Variants in ARID3A observed in about 807,000 individuals in gnomAD.
ARID3A encodes AT-rich interactive domain-containing protein 3A.
Under a neutral mutation model 52.7 loss-of-function variants are expected in ARID3A, and 11 were observed. The ratio of observed to expected loss-of-function variants is 0.21; its 90% CI spans 0.13 to 0.35. The LOEUF is 0.35. Among genes scored for constraint, ARID3A ranks in the 10% least tolerant of loss-of-function variants. The probability of loss-of-function intolerance (pLI) is 1.00; values close to 1 mark genes in which losing one functional copy is unlikely to be tolerated. For missense variants in ARID3A, 721 were observed against 838.5 expected (o/e 0.86, Z 1.73); for synonymous variants, 404 against 359.4 (o/e 1.12, Z -1.40).
intron 4 of ARID3A, among the ~76,000 whole-genome samples, chr19:963,611 G>A (rs1322374752): frequency 6.6e-6 from 1 of 152,118 alleles, no homozygotes; most frequent in African/African-American, 2.4e-5. Flanking sequence ...CAGCCCAGCC[G>A]CCTCTTCTTC....
At chr19:963,559 G>A (rs770673956) in intron 4 of ARID3A, among the ~76,000 whole-genome samples, 14 of 152,150 alleles carry the variant, frequency 9.2e-5, no homozygotes, top group Admixed American at 2.6e-4. Context: ...GAGGGGCCAC[G>A]TCTGCAGCCG....
At chr19:967,178 G>T (rs1466178083) in intron 7 of ARID3A, among the ~76,000 whole-genome samples, 1 of 152,114 alleles carries the variant, frequency 6.6e-6, no homozygotes, top group Admixed American at 6.5e-5. Flanking sequence ...AGAATCACAT[G>T]AACTGGGAGA....
At chr19:946,160 G>A (rs1304880815) in intron 3 of ARID3A, among the ~76,000 whole-genome samples, 2 of 152,032 alleles carry the variant, frequency 1.3e-5, no homozygotes, top group East Asian at 2.0e-4. Flanking sequence ...CCCCGGCCGC[G>A]TGGAGTGGCA....
In ARID3A at chr19:927,400, A is replaced by T. The variant is rs926386337; in HGVS notation, c.-268+1341A>T. On this transcript the variant is annotated intron_variant, in intron 1 of 8. Transcript: ENST00000263620. ...GCACCCAGCCCTGACCTAGGGGGGAATCTGGGATCCCCACCTGCCCCCTCC... is the reference window on the plus strand; with the variant it reads ...GCACCCAGCCCTGACCTAGGGGGGATTCTGGGATCCCCACCTGCCCCCTCC... Among the ~76,000 whole-genome samples, 6 of 151,768 alleles carry T rather than the reference A, an allele frequency of 4.0e-5. No homozygotes were observed. In the East Asian group the frequency reaches 1.2e-3, roughly 30 times the overall value.
At position 974,658 on chromosome 19, in the gene ARID3A, G is replaced by A. The variant is rs952364489; in HGVS notation, c.*2593G>A. The A allele has an allele frequency of 4.3e-6, 1 of 230,104 alleles. No homozygotes were observed. Among genetic ancestry groups the A allele is most frequent in the African/African-American group, 2.2e-5 (1 of 45,034 alleles). The allele number at this position is 230,104 out of a possible 1,614,324, so 14.3% of individuals were successfully genotyped here. On this transcript the variant is annotated 3_prime_UTR_variant, in exon 9 of 9. Coordinates refer to ENST00000263620, the MANE Select transcript of ARID3A (RefSeq NM_005224.3). ...TGCATCTGGCGGCCCTGGACCCCTG[G>A]GGCCCCCGTGCACCTGCCCACCTCG...
In ARID3A at chr19:952,441, CAAAAAAAAA is replaced by C. The variant is rs10663796; in HGVS notation, c.694-7633_694-7625del. On this transcript the variant is annotated intron_variant, in intron 3 of 8. Coordinates refer to ENST00000263620, the MANE Select transcript of ARID3A (RefSeq NM_005224.3). Reference sequence around the variant, plus strand: ...TGGGCCACAGAGCGAGACCCTGTCTCAAAAAAAAAAAAAAAAAAAAAAAAAAGGAAAGAA... The same window carrying C: ...TGGGCCACAGAGCGAGACCCTGTCTCAAAAAAAAAAAAAAAAAGGAAAGAA... Among the ~76,000 whole-genome samples the C allele has an allele frequency of 3.7e-4, 22 of 59,776 alleles. No homozygotes were observed. In the East Asian group the frequency reaches 4.2e-3, roughly 11 times the overall value. The allele number at this position is 59,776 out of a possible 152,430, so 39.2% of individuals were successfully genotyped here.
Position 965,562 on chromosome 19 carries a change from C to T in ARID3A, c.1198+482C>T, listed in dbSNP as rs115861264. On this transcript the variant is annotated intron_variant, in intron 6 of 8. Transcript: ENST00000263620. ...AAAAAAAATTAGCTGGGCGTGGCAA[C>T]GTGCACCTGTGGTCCCAGCTACCCA... Among the ~76,000 whole-genome samples, 1,048 of 151,476 alleles carry T rather than the reference C, an allele frequency of 6.9e-3. 14 individuals carry two copies. Among genetic ancestry groups the T allele is most frequent in the African/African-American group, 0.024 (987 of 41,254 alleles).
intron 3 of ARID3A, among the ~76,000 whole-genome samples, chr19:940,035 G>T (rs1335928398): frequency 6.6e-6 from 1 of 152,016 alleles, no homozygotes; most frequent in Admixed American, 6.6e-5. Context: ...CACATCCCTC[G>T]AGGGGTCAGG....
In ARID3A at chr19:952,017, G is replaced by A. The variant is rs1056939826; in HGVS notation, c.694-8075G>A. On this transcript the variant is annotated intron_variant, in intron 3 of 8. Transcript: ENST00000263620. Reference sequence around the variant, plus strand: ...TTAGCCAGGTGTGGTGGCACGTGCCGGTAATCCCACCTACTTGGGAGGCTG... The same window carrying A: ...TTAGCCAGGTGTGGTGGCACGTGCCAGTAATCCCACCTACTTGGGAGGCTG... Among the ~76,000 whole-genome samples the A allele has an allele frequency of 7.2e-5, 11 of 152,150 alleles. No individual in the cohort carries two copies. In the East Asian group the frequency reaches 7.7e-4, roughly 11 times the overall value.
chr19:926,504 C>T (rs1171817119), intron 1 of ARID3A, among the ~76,000 whole-genome samples: 2 of 151,802 alleles, frequency 1.3e-5, no homozygotes, highest in Admixed American at 6.6e-5. Flanking sequence ...GGGGGCTGCA[C>T]CCCGATATTT....
Position 964,549 on chromosome 19 carries a change from C to T in ARID3A, c.950+118C>T. 1 of 1,351,166 alleles carries T rather than the reference C, an allele frequency of 7.4e-7. No individual in the cohort carries two copies. Among genetic ancestry groups the T allele is most frequent in the Non-Finnish European group, 9.9e-7 (1 of 1,006,590 alleles). The allele number at this position is 1,351,166 out of a possible 1,614,324, so 83.7% of individuals were successfully genotyped here. A position where few individuals can be genotyped will look rare whatever the true frequency, so the allele number is the denominator to read the frequency against. On this transcript the variant is annotated intron_variant, in intron 5 of 8. Transcript: ENST00000263620. The surrounding 1 kb of genome is among the most constrained non-coding windows in gnomAD (Gnocchi z 5.7). ...CTGCAGAGGAGGGGGCAGTGGGCAG[C>T]CGCAAAGGGCACAGGGCCACACCGT...
chr19:973,846 T>G lies in ARID3A; in HGVS notation c.*1781T>G. 4.3e-6 allele frequency: 1 copy of G among 230,472 alleles called. No homozygotes were observed. Among genetic ancestry groups the G allele is most frequent in the Non-Finnish European group, 8.6e-6 (1 of 116,342 alleles). 14.3% of individuals were successfully genotyped at this position (230,472 alleles called of 1,614,324 possible). On this transcript the variant is annotated 3_prime_UTR_variant, in exon 9 of 9. Transcript: ENST00000263620. ...ACCGCAGCTGAGCTGGGGGGTTATTTTGGCTGGAGCTGCTGGAGCAGAAAG... is the reference window on the plus strand; with the variant it reads ...ACCGCAGCTGAGCTGGGGGGTTATTGTGGCTGGAGCTGCTGGAGCAGAAAG...
At chr19:951,981 T>TA (rs879676780) in intron 3 of ARID3A, among the ~76,000 whole-genome samples, 197 of 148,834 alleles carry the variant, frequency 1.3e-3, no homozygotes, top group Non-Finnish European at 1.9e-3. Context: ...GCAAAAAATT[T>TA]AAAAAAAAAA....
At chr19:933,152 C>T (rs1240259915) in intron 3 of ARID3A, among the ~76,000 whole-genome samples, 1 of 152,162 alleles carries the variant, frequency 6.6e-6, no homozygotes, top group Non-Finnish European at 1.5e-5. Context: ...CCTCCTCTGT[C>T]CCCTGGCATC....
At chr19:940,923 G>A (rs960294556) in intron 3 of ARID3A, among the ~76,000 whole-genome samples, 1 of 152,070 alleles carries the variant, frequency 6.6e-6, no homozygotes, top group African/African-American at 2.4e-5. Flanking sequence ...GCGAGGGGTG[G>A]GTGGGTGCCC....
Position 960,380 on chromosome 19 carries a change from G to C in ARID3A, c.766+216G>C, listed in dbSNP as rs2038015148. Among the ~76,000 whole-genome samples, 1 of 152,044 alleles carries C rather than the reference G, an allele frequency of 6.6e-6. No individual in the cohort carries two copies. The highest frequency in any genetic ancestry group is 2.4e-5 in the African/African-American group (1 of 41,390). ...GGGAGGCACGCCTGTGAGTCTAAGG[G>C]GTAGGTCCCTTGGTGGGGGGCAGGG... On this transcript the variant is annotated intron_variant, in intron 4 of 8. Coordinates refer to ENST00000263620, the MANE Select transcript of ARID3A (RefSeq NM_005224.3). The surrounding 1 kb of genome is among the most constrained non-coding windows in gnomAD (Gnocchi z 4.3).
At chr19:970,769 G>A (rs900931121) in intron 8 of ARID3A, among the ~76,000 whole-genome samples, 7 of 151,910 alleles carry the variant, frequency 4.6e-5, no homozygotes, top group African/African-American at 1.2e-4. Context: ...CACCACACCC[G>A]GCGGTAAATG....
chr19:943,428 C>T (rs559576580), intron 3 of ARID3A, among the ~76,000 whole-genome samples: 5 of 151,604 alleles, frequency 3.3e-5, no homozygotes, highest in African/African-American at 1.2e-4. Context: ...ATTAGCCGGG[C>T]GTGGTGGCGG....
rs960738418 is a variant in ARID3A at position 975,101 on chromosome 19, C to T, written c.*3036C>T. The stretch of plus-strand genomic sequence containing the variant: ...CCGCCTGTCGGTGGGGGTTTAAATT[C>T]GGTGTGGCTTTCTGGGGTGCAGCTC... On this transcript the variant is annotated 3_prime_UTR_variant, in exon 9 of 9. Coordinates refer to ENST00000263620, the MANE Select transcript of ARID3A (RefSeq NM_005224.3). The T allele has an allele frequency of 1.3e-5, 3 of 231,516 alleles. No homozygotes were observed. Among genetic ancestry groups the T allele is most frequent in the Middle Eastern group, 1.3e-3 (1 of 780 alleles). The allele number at this position is 231,516 out of a possible 1,614,324, so 14.3% of individuals were successfully genotyped here.
Sources: allele counts gnomAD v4.1 joint callset (sites outside exome capture counted in the v4.1 genomes callset), GRCh38; gene constraint gnomAD v4.1.1; non-coding constraint Gnocchi (gnomAD v3.1); transcripts MANE v1.5; gene names NCBI Gene and HGNC (gene_info 2026-07-23, HGNC 2026-07-21).